RHEBL1: variants seen among roughly 807,000 people sequenced by gnomAD.
The protein encoded by RHEBL1 is RHEB like 1.
Under a neutral mutation model 27.4 loss-of-function variants are expected in RHEBL1, and 22 were observed. The ratio of observed to expected loss-of-function variants is 0.80; its 90% CI spans 0.57 to 1.15. The LOEUF (loss-of-function observed/expected upper bound fraction) is 1.15. RHEBL1 is among the 50% of genes most tolerant of loss of function. RHEBL1 has a pLI of 0.00. For missense variants in RHEBL1, 186 were observed against 226.5 expected, an observed-to-expected ratio of 0.82 and a Z score of 1.15; for synonymous variants, 85 against 80.8, an observed-to-expected ratio of 1.05 and a Z score of -0.28.
At chr12:49,066,174 G>T in intron 6 of RHEBL1, 57 bp downstream of exon 6, 2 of 1,407,014 alleles carry the variant, frequency 1.4e-6, no homozygotes, top group South Asian at 1.2e-5. Context: ...ATGAGAGCCT[G>T]ACTGATTCCC....
chr12:49,066,243 A>G lies in RHEBL1; in HGVS notation c.368T>C (p.Leu123Pro). 1.2e-6 allele frequency: 2 copies of G among 1,613,790 alleles called. No individual in the cohort carries two copies. Among genetic ancestry groups the G allele is most frequent in the Non-Finnish European group, 1.7e-6 (2 of 1,179,716 alleles). ...PVVLVGNKAD[L>P]SPEREVQAVE... The stretch of plus-strand genomic sequence containing the variant: ...GAGATTTACATACCTCTCTGGAGAG[A>G]GATCTGCCTTGTTCCCCACTAGAAC... The change falls in exon 6 of 8, where the codon CTC becomes CCC. Residue 123 changes from leucine (L) to proline (P), a missense_variant. Coordinates refer to ENST00000301068, the MANE Select transcript of RHEBL1 (RefSeq NM_144593.3).
Position 49,065,049 on chromosome 12 carries a change from G to T in RHEBL1, c.*54C>A. 7.5e-7 allele frequency: 1 copy of T among 1,332,462 alleles called. No individual in the cohort carries two copies. Among genetic ancestry groups the T allele is most frequent in the East Asian group, 2.3e-5 (1 of 43,452 alleles). The allele number at this position is 1,332,462 out of a possible 1,614,324, so 82.5% of individuals were successfully genotyped here. On this transcript the variant is annotated 3_prime_UTR_variant, in exon 8 of 8. Transcript: ENST00000301068. ...AGTCCTGAGGATCTGCCCCCCACTGGAACATGGCAAGTGCCGGGGGCAGAA... is the reference window on the plus strand; with the variant it reads ...AGTCCTGAGGATCTGCCCCCCACTGTAACATGGCAAGTGCCGGGGGCAGAA...
At chr12:49,066,888 A>G in intron 3 of RHEBL1, 80 bp downstream of exon 3, 2 of 1,239,106 alleles carry the variant, frequency 1.6e-6, no homozygotes, top group South Asian at 2.4e-5. Flanking sequence ...ATACTACTTT[A>G]CGGATGAGCC....
intron 1 of RHEBL1, 54 bp from the exon 2 acceptor site, chr12:49,069,160 C>G: frequency 2.5e-6 from 4 of 1,613,714 alleles, no homozygotes; most frequent in Non-Finnish European, 3.4e-6. Context: ...CATTCACATC[C>G]TCTGTCCTTT....
intron 1 of RHEBL1, among the ~76,000 whole-genome samples, chr12:49,069,377 C>T (rs1180256659): frequency 6.6e-6 from 1 of 152,116 alleles, no homozygotes; most frequent in East Asian, 1.9e-4. Context: ...ATCCAAGATT[C>T]CCTAGGATCA....
Position 49,065,056 on chromosome 12 carries a change from G to A in RHEBL1, c.*47C>T, listed in dbSNP as rs752109606. ...AGGATCTGCCCCCCACTGGAACATG[G>A]CAAGTGCCGGGGGCAGAAGCAAGGC... On this transcript the variant is annotated 3_prime_UTR_variant, in exon 8 of 8. Transcript: ENST00000301068. The A allele has an allele frequency of 3.3e-5, 46 of 1,397,080 alleles. No individual in the cohort carries two copies. The highest frequency in any genetic ancestry group is 4.5e-5 in the Non-Finnish European group (44 of 982,934). 86.5% of individuals were successfully genotyped at this position (1,397,080 alleles called of 1,614,324 possible).
At chr12:49,065,813 T>C (rs1938987484) in intron 6 of RHEBL1, among the ~76,000 whole-genome samples, 1 of 151,754 alleles carries the variant, frequency 6.6e-6, no homozygotes, top group South Asian at 2.1e-4. Context: ...TAGTCCCAGC[T>C]ACTTGGGAAG....
Position 49,069,973 on chromosome 12 carries a change from G to T in RHEBL1, c.-188C>A, listed in dbSNP as rs1039417497. 1.3e-5 allele frequency: 8 copies of T among 603,220 alleles called. No homozygotes were observed. Among genetic ancestry groups the T allele is most frequent in the Admixed American group, 2.9e-5 (1 of 34,370 alleles). 37.4% of individuals were successfully genotyped at this position (603,220 alleles called of 1,614,324 possible). A position where few individuals can be genotyped will look rare whatever the true frequency, so the allele number is the denominator to read the frequency against. ...TGCCCACGTGATCACAACACAGCAC[G>T]TCTAACGCCAGGGAGCCGGGCGCCC... On this transcript the variant is annotated 5_prime_UTR_variant, in exon 1 of 8. Coordinates refer to ENST00000301068, the MANE Select transcript of RHEBL1 (RefSeq NM_144593.3).
chr12:49,069,199 C>T (rs148814724), intron 1 of RHEBL1, 93 bp from the exon 2 acceptor site: 58 of 1,602,180 alleles, frequency 3.6e-5, no homozygotes, highest in Non-Finnish European at 4.6e-5. Context: ...CAAAGGAGAC[C>T]CCAAATTAAC....
At chr12:49,067,829 G>A (rs1490998291) in intron 2 of RHEBL1, among the ~76,000 whole-genome samples, 1 of 152,134 alleles carries the variant, frequency 6.6e-6, no homozygotes, top group Non-Finnish European at 1.5e-5. Context: ...ATGAATAATA[G>A]ATGTACCAAG....
At chr12:49,066,081 G>A (rs1359503600) in intron 6 of RHEBL1, 150 bp downstream of exon 6, 5 of 643,858 alleles carry the variant, frequency 7.8e-6, no homozygotes, top group African/African-American at 1.8e-5. Context: ...TGGCTTTTAA[G>A]ATAGAAGTAT....
At chr12:49,068,992 C>T (rs144230320) in intron 2 of RHEBL1, 43 bp downstream of exon 2, 4 of 1,575,648 alleles carry the variant, frequency 2.5e-6, no homozygotes, top group East Asian at 4.6e-5. Flanking sequence ...CCAAGCCCTC[C>T]GGGTCGCATA....
chr12:49,066,477 G>C lies in RHEBL1; in HGVS notation c.331C>G (p.Arg111Gly), dbSNP rs777676008. ...TCCCTATCCCCCAGGGCCACTTACC[G>C]GGTTTTCCCATGGCCTTCATGTAGC... ...QKLHEGHGKT[R>G]VPVVLVGNKA... The change falls in exon 5 of 8, where the codon CGG (arginine) becomes GGG (glycine). Residue 111 changes from arginine (R) to glycine (G), a missense_variant and splice_region_variant. Arg to Gly is a moderately radical substitution (Grantham distance 125). Around this residue, in one of 3 missense-constraint regions of RHEBL1, gnomAD observed 90 missense variants for 95.2 expected, o/e 0.95. Coordinates refer to ENST00000301068, the MANE Select transcript of RHEBL1 (RefSeq NM_144593.3). 1.2e-6 allele frequency: 2 copies of C among 1,613,550 alleles called. No individual in the cohort carries two copies. Among genetic ancestry groups the C allele is most frequent in the East Asian group, 2.2e-5 (1 of 44,868 alleles).
At chr12:49,065,520 G>C in intron 6 of RHEBL1, 89 bp from the exon 7 acceptor site, 1 of 1,081,994 alleles carries the variant, frequency 9.2e-7, no homozygotes, top group Non-Finnish European at 1.4e-6. Context: ...TCCTGGCCAG[G>C]CACAGTGGCT....
In RHEBL1 at chr12:49,066,924, G is replaced by A. The variant is rs766361669; in HGVS notation, c.192+44C>T. The A allele has an allele frequency of 1.9e-5, 28 of 1,491,018 alleles. No homozygotes were observed. In the East Asian group the frequency reaches 2.9e-4, roughly 16 times the overall value. 92.4% of individuals were successfully genotyped at this position (1,491,018 alleles called of 1,614,324 possible). A position where few individuals can be genotyped will look rare whatever the true frequency, so the allele number is the denominator to read the frequency against. On this transcript the variant is annotated intron_variant, in intron 3 of 7. Coordinates refer to ENST00000301068, the MANE Select transcript of RHEBL1 (RefSeq NM_144593.3). ...ACAAAGACTACCAGACTTCATCTCC[G>A]AGGGCTGAACTGCCACATTTGGATA...
chr12:49,068,429 CTTTTTTTTTTTT>C (rs56316449), intron 2 of RHEBL1, among the ~76,000 whole-genome samples: 1 of 99,656 alleles, frequency 1.0e-5, no homozygotes, highest in Non-Finnish European at 2.0e-5. Context: ...CGGTGCCCAG[CTTTTTTTTTTTT>C]TTTTTTTTTT....
chr12:49,065,417 A>G lies in RHEBL1; in HGVS notation c.395T>C (p.Val132Ala). The G allele has an allele frequency of 6.2e-7, 1 of 1,614,150 alleles. No homozygotes were observed. The highest frequency in any genetic ancestry group is 8.5e-7 in the Non-Finnish European group (1 of 1,179,992). The change falls in exon 7 of 8, where the codon GTT (valine) becomes GCT (alanine). Residue 132 changes from valine (V) to alanine (A), a missense_variant. By Grantham distance (64) the Val-to-Ala change is moderately conservative. Transcript: ENST00000301068. ...GGACTCTGCCAGCTTCTTTCCTTCA[A>G]CTGCCTGTACCTCTCTGGAAGCAAA... is the stretch of plus-strand genomic sequence containing the variant. ...DLSPEREVQA[V>A]EGKKLAESWG...
At chr12:49,066,325 TC>T (rs1938996843) in intron 5 of RHEBL1, 47 bp from the exon 6 acceptor site, 8 of 1,590,800 alleles carry the variant, frequency 5.0e-6, no homozygotes, top group Non-Finnish European at 6.9e-6. Flanking sequence ...TTCCCCGCAT[TC>T]CCCAACTCCT....
Position 49,065,043 on chromosome 12 carries a change from C to G in RHEBL1, c.*60G>C, listed in dbSNP as rs1054976031. The G allele has an allele frequency of 1.8e-5, 23 of 1,246,158 alleles. No individual in the cohort carries two copies. Among genetic ancestry groups the G allele is most frequent in the Non-Finnish European group, 2.7e-5 (23 of 845,276 alleles). 77.2% of individuals were successfully genotyped at this position (1,246,158 alleles called of 1,614,324 possible). On this transcript the variant is annotated 3_prime_UTR_variant, in exon 8 of 8. Coordinates refer to ENST00000301068, the MANE Select transcript of RHEBL1 (RefSeq NM_144593.3). ...CCGTGAAGTCCTGAGGATCTGCCCC[C>G]CACTGGAACATGGCAAGTGCCGGGG...
Sources: allele counts gnomAD v4.1 joint callset (sites outside exome capture counted in the v4.1 genomes callset), GRCh38; gene constraint gnomAD v4.1.1; regional missense constraint gnomAD v4.1.1; transcripts MANE v1.5; gene names NCBI Gene and HGNC (gene_info 2026-07-23, HGNC 2026-07-21).